The following GRID2 variants were observed in gnomAD, a reference collection of about 807,000 sequenced individuals.
GRID2 encodes the protein glutamate receptor ionotropic, delta-2.
Under a neutral mutation model 114.8 loss-of-function variants are expected in GRID2, and 33 were observed. The observed-to-expected ratio is 0.29, with a 90% confidence interval of 0.22 to 0.38. The LOEUF (loss-of-function observed/expected upper bound fraction) is 0.38, where lower values mean the gene tolerates loss of function less well. Among genes scored for constraint, GRID2 ranks in the 10% least tolerant of loss-of-function variants. GRID2 has a pLI of 1.00. For missense variants in GRID2, 1,184 were observed against 1,257.7 expected (o/e 0.94, Z 0.89); for synonymous variants, 505 against 449.9 (o/e 1.12, Z -1.55).
At chr4:93,536,495 C>T (rs557524370) in intron 13 of GRID2, among the ~76,000 whole-genome samples, 1 of 151,834 alleles carries the variant, frequency 6.6e-6, no homozygotes, top group African/African-American at 2.4e-5. Context: ...ACTGGATATC[C>T]ACACGCAAGA....
rs115257147 is a variant in GRID2, at chr4:93,406,602, A to T, written c.1347+10894A>T. 3.0e-3 allele frequency among the ~76,000 whole-genome samples: 460 copies of T among 152,268 alleles called. 2 individuals are homozygous for T. Among genetic ancestry groups the T allele is most frequent in the African/African-American group, 0.011 (441 of 41,550 alleles). ...CCAGAGCTCACACATGATTTTTGAGAAAGGTTTCATTTGGGGAGATCGTAT... is the reference window on the plus strand; with the variant it reads ...CCAGAGCTCACACATGATTTTTGAGTAAGGTTTCATTTGGGGAGATCGTAT... On this transcript the variant is annotated intron_variant, in intron 9 of 15. Coordinates refer to ENST00000282020, the MANE Select transcript of GRID2 (RefSeq NM_001510.4).
chr4:92,637,959 A>G (rs1731152146), intron 2 of GRID2, among the ~76,000 whole-genome samples: 1 of 151,966 alleles, frequency 6.6e-6, no homozygotes, highest in African/African-American at 2.4e-5. Flanking sequence ...GCAAATTTGC[A>G]ATTTAGGAAA....
intron 1 of GRID2, among the ~76,000 whole-genome samples, chr4:92,434,184 T>C (rs1732615783): frequency 6.6e-6 from 1 of 152,232 alleles, no homozygotes; most frequent in Admixed American, 6.5e-5. Context: ...ACAATTATTC[T>C]CAGCAACATC....
intron 2 of GRID2, among the ~76,000 whole-genome samples, chr4:92,659,200 C>T (rs1219734732): frequency 6.6e-6 from 1 of 151,622 alleles, no homozygotes; most frequent in Non-Finnish European, 1.5e-5. Context: ...CATATAAAGC[C>T]AAATGAGTGT....
intron 4 of GRID2, among the ~76,000 whole-genome samples, chr4:93,168,019 G>T (rs533268283): frequency 6.6e-6 from 1 of 151,904 alleles, no homozygotes; most frequent in African/African-American, 2.4e-5. Context: ...CATGGCAAAA[G>T]AAACCATCTC....
chr4:92,896,654 A>G (rs1397592662), intron 2 of GRID2, among the ~76,000 whole-genome samples: 1 of 151,974 alleles, frequency 6.6e-6, no homozygotes, highest in East Asian at 1.9e-4. Flanking sequence ...CATCATAACA[A>G]TTTCTCAGTT....
chr4:93,277,268 T>C (rs780465396), intron 8 of GRID2, among the ~76,000 whole-genome samples: 19 of 152,140 alleles, frequency 1.2e-4, no homozygotes, highest in Non-Finnish European at 2.4e-4. Flanking sequence ...TACAAAATAC[T>C]GATAATTGTA....
chr4:93,021,708 TATA>T lies in GRID2; in HGVS notation c.245-63284_245-63282del, dbSNP rs1175784534. On this transcript the variant is annotated intron_variant, in intron 2 of 15. Coordinates refer to ENST00000282020, the MANE Select transcript of GRID2 (RefSeq NM_001510.4). ...TTTATAATATGTATATTATGAATATTATAATTATTTATAATATGTATATTATGA... is the reference window on the plus strand; with the variant it reads ...TTTATAATATGTATATTATGAATATTATTATTTATAATATGTATATTATGA... 1.0e-4 allele frequency among the ~76,000 whole-genome samples: 15 copies of T among 143,122 alleles called. No individual in the cohort carries two copies. In the East Asian group the frequency reaches 2.4e-3, roughly 23 times the overall value. The allele number at this position is 143,122 out of a possible 152,430, so 93.9% of individuals were successfully genotyped here.
intron 4 of GRID2, among the ~76,000 whole-genome samples, chr4:93,172,442 A>T (rs887843466): frequency 4.6e-5 from 7 of 152,048 alleles, no homozygotes; most frequent in African/African-American, 1.4e-4. Flanking sequence ...GTTACAAAAA[A>T]TTAGCCAAGC....
At chr4:92,543,066 A>G (rs140467374) in intron 1 of GRID2, among the ~76,000 whole-genome samples, 51 of 152,274 alleles carry the variant, frequency 3.3e-4, no homozygotes, top group African/African-American at 1.0e-3. Context: ...TAAAGTTAAA[A>G]AAGTGCAAGG....
chr4:93,500,541 G>T (rs1411738200), intron 12 of GRID2, among the ~76,000 whole-genome samples: 1 of 151,980 alleles, frequency 6.6e-6, no homozygotes, highest in Non-Finnish European at 1.5e-5. Flanking sequence ...TTCTGACACA[G>T]ATGTCACCAT....
chr4:92,704,108 C>G (rs1242043360), intron 2 of GRID2, among the ~76,000 whole-genome samples: 1 of 152,118 alleles, frequency 6.6e-6, no homozygotes. Context: ...AACCCCGTCT[C>G]TACTTAAAAA....
At chr4:92,606,827 G>A (rs2149224370) in intron 2 of GRID2, among the ~76,000 whole-genome samples, 1 of 152,144 alleles carries the variant, frequency 6.6e-6, no homozygotes, top group South Asian at 2.1e-4. Context: ...TAATCAGAAA[G>A]TGTTACATCT....
intron 6 of GRID2, among the ~76,000 whole-genome samples, chr4:93,217,782 G>A (rs1190754142): frequency 6.6e-6 from 1 of 152,020 alleles, no homozygotes; most frequent in East Asian, 1.9e-4. Flanking sequence ...TATCACTGCA[G>A]TATAATGCTA....
chr4:93,376,441 C>T (rs894254239), intron 8 of GRID2, among the ~76,000 whole-genome samples: 3 of 148,942 alleles, frequency 2.0e-5, no homozygotes, highest in Non-Finnish European at 3.0e-5. Context: ...CGGGAAACTA[C>T]AGAAAAAAAA....
intron 8 of GRID2, among the ~76,000 whole-genome samples, chr4:93,346,965 A>G (rs937866337): frequency 6.6e-6 from 1 of 151,996 alleles, no homozygotes; most frequent in Non-Finnish European, 1.5e-5. Flanking sequence ...TTGCCTTCCA[A>G]TTTTCCTGCC....
chr4:93,725,227 T>C (rs1036209535), intron 14 of GRID2, among the ~76,000 whole-genome samples: 2 of 152,168 alleles, frequency 1.3e-5, no homozygotes, highest in African/African-American at 4.8e-5. Flanking sequence ...AGTGAGAACA[T>C]GCGGTGTTTG....
intron 5 of GRID2, among the ~76,000 whole-genome samples, chr4:93,212,653 T>C (rs1316414782): frequency 6.6e-6 from 1 of 152,112 alleles, no homozygotes; most frequent in Non-Finnish European, 1.5e-5. Flanking sequence ...AATATGACCT[T>C]TGTTGTCTTG....
At chr4:93,490,201 G>A (rs1427102537) in intron 11 of GRID2, among the ~76,000 whole-genome samples, 1 of 151,018 alleles carries the variant, frequency 6.6e-6, no homozygotes, top group Non-Finnish European at 1.5e-5. Context: ...TCATTAACAA[G>A]CTATGTTTCT....
Sources: allele counts gnomAD v4.1 joint callset (sites outside exome capture counted in the v4.1 genomes callset), GRCh38; gene constraint gnomAD v4.1.1; transcripts MANE v1.5; gene names NCBI Gene and HGNC (gene_info 2026-07-23, HGNC 2026-07-21).